Variants in KRT80 observed in about 807,000 individuals in gnomAD.
KRT80 encodes keratin, type II cytoskeletal 80.
KRT80 carries 36 observed loss-of-function variants against 51.5 expected under a neutral mutation model. That is an observed-to-expected ratio of 0.70 (90% CI 0.54 to 0.92). The LOEUF (loss-of-function observed/expected upper bound fraction) is 0.92. Among genes scored for constraint, KRT80 ranks in the 40% least tolerant of loss-of-function variants. KRT80 has a pLI of 0.00. For synonymous variants in KRT80, 235 were observed against 248.3 expected, an observed-to-expected ratio of 0.95 and a Z score of 0.50; for missense variants, 566 against 591.7, an observed-to-expected ratio of 0.96 and a Z score of 0.45.
At position 52,170,231 on chromosome 12, in the gene KRT80, T is replaced by C. The variant is rs1209169296; in HGVS notation, c.*1167A>G. The stretch of plus-strand genomic sequence containing the variant: ...TGGAAGCTCCCAGACTTGCCTGGAC[T>C]GTGCCTTCTTCCTGGCCTGCTGGAG... On this transcript the variant is annotated 3_prime_UTR_variant, in exon 9 of 9. Coordinates refer to ENST00000394815, the MANE Select transcript of KRT80 (RefSeq NM_182507.3). 2 of 152,992 alleles carry C rather than the reference T, an allele frequency of 1.3e-5. No homozygotes were observed. Among genetic ancestry groups the C allele is most frequent in the African/African-American group, 4.8e-5 (2 of 41,458 alleles). The allele number at this position is 152,992 out of a possible 1,614,324, so 9.5% of individuals were successfully genotyped here. A position where few individuals can be genotyped will look rare whatever the true frequency, so the allele number is the denominator to read the frequency against.
intron 2 of KRT80, among the ~76,000 whole-genome samples, chr12:52,184,278 TC>T (rs1941368549): frequency 1.3e-5 from 2 of 152,230 alleles, no homozygotes; most frequent in African/African-American, 4.8e-5. Context: ...GCTGGAGGTC[TC>T]CTTGCAAGGA....
chr12:52,176,347 G>T (rs765402485), intron 4 of KRT80, among the ~76,000 whole-genome samples: 1 of 152,222 alleles, frequency 6.6e-6, no homozygotes, highest in African/African-American at 2.4e-5. Flanking sequence ...TTAGGAGGCT[G>T]CTGTGCGTGT....
rs757918657 is a variant in KRT80, at chr12:52,173,738, C to T, written c.693G>A (p.Val231=). 7.4e-6 allele frequency: 12 copies of T among 1,611,804 alleles called. No individual in the cohort carries two copies. The highest frequency in any genetic ancestry group is 6.7e-5 in the African/African-American group (5 of 74,948). The change falls in exon 5 of 9, where the codon GTG becomes GTA. Residue 231 remains valine (V), a synonymous_variant. Transcript: ENST00000394815. Reference sequence around the variant, plus strand: ...TGCCGACGGTCACCGACACATCCTTCACCTGTGCTGCCAGGTCCTTCAGCT... The same window carrying T: ...TGCCGACGGTCACCGACACATCCTTTACCTGTGCTGCCAGGTCCTTCAGCT... The part of the protein sequence containing the change: ...EQELKDLAAQ[V]KDVSVTVGMD...
chr12:52,173,033 C>T lies in KRT80; in HGVS notation c.957+5G>A. Reference sequence around the variant, plus strand: ...CGCCCCCAGGCGCGTCCCCCAGATACTCACATGGCTCTTGACAGAGAGGAT... The same window carrying T: ...CGCCCCCAGGCGCGTCCCCCAGATATTCACATGGCTCTTGACAGAGAGGAT... On this transcript the variant is annotated splice_donor_5th_base_variant and intron_variant, in intron 6 of 8. Coordinates refer to ENST00000394815, the MANE Select transcript of KRT80 (RefSeq NM_182507.3). 1.2e-6 allele frequency: 2 copies of T among 1,603,270 alleles called. No individual in the cohort carries two copies. Among genetic ancestry groups the T allele is most frequent in the Non-Finnish European group, 1.7e-6 (2 of 1,172,190 alleles).
In KRT80 at chr12:52,185,451, A is replaced by G. The variant is rs771124453; in HGVS notation, c.437T>C (p.Val146Ala). 3.1e-6 allele frequency: 5 copies of G among 1,613,874 alleles called. No individual in the cohort carries two copies. Among genetic ancestry groups the G allele is most frequent in the Non-Finnish European group, 3.4e-6 (4 of 1,180,024 alleles). The change falls in exon 2 of 9, where the codon GTG becomes GCG. Residue 146 changes from valine (V) to alanine (A), a missense_variant. By Grantham distance (64) the Val-to-Ala change is moderately conservative. Transcript: ENST00000394815. ...QGRLQEELRK[V>A]SQERGQLEAN... ...CTCCAGCTGCCCCCGCTCCTGGCTCACTTTGCGCAGTTCCTCCTGCAGCCG... is the reference window on the plus strand; with the variant it reads ...CTCCAGCTGCCCCCGCTCCTGGCTCGCTTTGCGCAGTTCCTCCTGCAGCCG...
At position 52,169,767 on chromosome 12, in the gene KRT80, A is replaced by G. The variant is rs1017153877; in HGVS notation, c.*1631T>C. ...TGAGGATTTGCTCCCTTGGAAACCA[A>G]TGAAGAGCCTGAGGAAAAGCACCAA... is the stretch of plus-strand genomic sequence containing the variant. On this transcript the variant is annotated 3_prime_UTR_variant, in exon 9 of 9. Coordinates refer to ENST00000394815, the MANE Select transcript of KRT80 (RefSeq NM_182507.3). 6.6e-6 allele frequency: 1 copy of G among 152,240 alleles called. No individual in the cohort carries two copies. The allele number at this position is 152,240 out of a possible 1,614,324, so 9.4% of individuals were successfully genotyped here.
chr12:52,188,356 A>C (rs187902195), intron 1 of KRT80, among the ~76,000 whole-genome samples: 3 of 152,344 alleles, frequency 2.0e-5, no homozygotes, highest in Admixed American at 2.0e-4. Context: ...AAGTAGGGCC[A>C]GGTTGGGGCT....
rs201521953 is a variant in KRT80, at chr12:52,191,912, G to A, written c.-10C>T. 2.8e-3 allele frequency: 4,147 copies of A among 1,456,742 alleles called. 4 individuals are homozygous for A. The highest frequency in any genetic ancestry group is 3.4e-3 in the Non-Finnish European group (3,802 of 1,103,008). 90.2% of individuals were successfully genotyped at this position (1,456,742 alleles called of 1,614,324 possible). A position where few individuals can be genotyped will look rare whatever the true frequency, so the allele number is the denominator to read the frequency against. ...AGGAGCGGCAGGCCATGGTGCCCCC[G>A]GCCGGAAGCAGGAGGGCCCAGGGGG... On this transcript the variant is annotated 5_prime_UTR_variant, in exon 1 of 9. Coordinates refer to ENST00000394815, the MANE Select transcript of KRT80 (RefSeq NM_182507.3).
chr12:52,185,148 T>C (rs1941383130), intron 2 of KRT80, among the ~76,000 whole-genome samples: 1 of 152,180 alleles, frequency 6.6e-6, no homozygotes, highest in Admixed American at 6.5e-5. Flanking sequence ...CAGCACAAGA[T>C]TGACTTTGTT....
intron 2 of KRT80, 94 bp downstream of exon 2, chr12:52,185,285 T>C (rs552962988): frequency 8.2e-7 from 1 of 1,226,048 alleles, no homozygotes; most frequent in East Asian, 2.3e-5. Context: ...GCAGAACATC[T>C]TTCCTCTTTC....
Position 52,191,934 on chromosome 12 carries a change from G to C in KRT80, c.-32C>G, listed in dbSNP as rs752406283. 24 of 1,439,800 alleles carry C rather than the reference G, an allele frequency of 1.7e-5. 1 individual carries two copies. The highest frequency in any genetic ancestry group is 2.5e-4 in the Middle Eastern group (1 of 3,948). 89.2% of individuals were successfully genotyped at this position (1,439,800 alleles called of 1,614,324 possible). A position where few individuals can be genotyped will look rare whatever the true frequency, so the allele number is the denominator to read the frequency against. On this transcript the variant is annotated 5_prime_UTR_variant, in exon 1 of 9. Coordinates refer to ENST00000394815, the MANE Select transcript of KRT80 (RefSeq NM_182507.3). ...CCCGGCCGGAAGCAGGAGGGCCCAG[G>C]GGGGTGAGCGAGTGAGCCTGGGGTT...
rs187531530 is a variant in KRT80, at chr12:52,171,268, C to A, written c.*130G>T. 1.4e-4 allele frequency: 134 copies of A among 989,684 alleles called. No individual in the cohort carries two copies. Among genetic ancestry groups the A allele is most frequent in the Non-Finnish European group, 1.7e-4 (115 of 668,904 alleles). The allele number at this position is 989,684 out of a possible 1,614,324, so 61.3% of individuals were successfully genotyped here. On this transcript the variant is annotated 3_prime_UTR_variant, in exon 9 of 9. Coordinates refer to ENST00000394815, the MANE Select transcript of KRT80 (RefSeq NM_182507.3). The stretch of plus-strand genomic sequence containing the variant: ...CCCACAAAACACAGTCAGTTTTGAA[C>A]CCCTCTCTCAGTTCAATATCAGGTT...
At position 52,180,902 on chromosome 12, in the gene KRT80, C is replaced by A. The variant is rs776667934; in HGVS notation, c.570+1G>T. 1 of 1,588,876 alleles carries A rather than the reference C, an allele frequency of 6.3e-7. No homozygotes were observed. The highest frequency in any genetic ancestry group is 8.5e-7 in the Non-Finnish European group (1 of 1,171,336). On this transcript the variant is annotated splice_donor_variant, in intron 3 of 8. Coordinates refer to ENST00000394815, the MANE Select transcript of KRT80 (RefSeq NM_182507.3). LOFTEE classifies it high-confidence loss of function. ...CCCCTGGGGCAGGCTGGGCAGGCTA[C>A]CTTCTTCAGCTGAACAAAGGTGAAC... is the stretch of plus-strand genomic sequence containing the variant.
intron 1 of KRT80, 96 bp from the exon 2 acceptor site, chr12:52,185,683 G>A: frequency 6.5e-7 from 1 of 1,539,070 alleles, no homozygotes; most frequent in African/African-American, 1.4e-5. Flanking sequence ...GGGCTCCCTG[G>A]GAAGTGGCAG....
chr12:52,169,708 A>C lies in KRT80; in HGVS notation c.*1690T>G, dbSNP rs1420454167. The C allele has an allele frequency of 6.6e-6, 1 of 152,450 alleles. No individual in the cohort carries two copies. The highest frequency in any genetic ancestry group is 2.4e-5 in the African/African-American group (1 of 41,464). 9.4% of individuals were successfully genotyped at this position (152,450 alleles called of 1,614,324 possible). ...TTAAAAGCCACATAAGTTATGAAAA[A>C]ATAATATATACTTTATATGTCTTGT... On this transcript the variant is annotated 3_prime_UTR_variant, in exon 9 of 9. Coordinates refer to ENST00000394815, the MANE Select transcript of KRT80 (RefSeq NM_182507.3).
Position 52,180,057 on chromosome 12 carries a change from G to A in KRT80, c.666+456C>T, listed in dbSNP as rs773404773. ...AAATGCGAATGTTTCCTCTGTCTTC[G>A]CCAAAAATGGGGAAAACGGAAAGGC... On this transcript the variant is annotated intron_variant, in intron 4 of 8. Transcript: ENST00000394815. 9.2e-5 allele frequency among the ~76,000 whole-genome samples: 14 copies of A among 152,164 alleles called. No homozygotes were observed. The East Asian group carries it at 1.7e-3, about 19-fold the overall frequency.
Position 52,172,255 on chromosome 12 carries a change from A to G in KRT80, c.1121T>C (p.Leu374Pro). The change falls in exon 7 of 9, where the codon CTG (leucine) becomes CCG (proline). Residue 374 changes from leucine to proline, a missense_variant. Physicochemically the swap from Leu to Pro is moderately conservative, Grantham distance 98. Transcript: ENST00000394815. ...GGTGGCGATCTCGATGTCCAGGGCC[A>G]GCTTGACGTTCATCAGCTCCTGGTA... Reference protein sequence around the residue: ...RKYQELMNVKLALDIEIATYR... With the variant: ...RKYQELMNVKPALDIEIATYR... The G allele has an allele frequency of 6.2e-7, 1 of 1,613,862 alleles. No homozygotes were observed. The highest frequency in any genetic ancestry group is 1.1e-5 in the South Asian group (1 of 91,046).
intron 7 of KRT80, among the ~76,000 whole-genome samples, 192 bp from the exon 8 acceptor site, chr12:52,171,905 A>G (rs1442870784): frequency 1.3e-5 from 2 of 152,090 alleles, no homozygotes; most frequent in Non-Finnish European, 2.9e-5. Context: ...TCTCCATGGC[A>G]TAAATGGCTA....
Position 52,171,837 on chromosome 12 carries a change from G to A in KRT80, c.1179-124C>T, listed in dbSNP as rs942420539. 71 of 713,490 alleles carry A rather than the reference G, an allele frequency of 1.0e-4. 1 individual carries two copies. The highest frequency in any genetic ancestry group is 1.4e-4 in the Non-Finnish European group (59 of 423,048). 44.2% of individuals were successfully genotyped at this position (713,490 alleles called of 1,614,324 possible). On this transcript the variant is annotated intron_variant, in intron 7 of 8. Coordinates refer to ENST00000394815, the MANE Select transcript of KRT80 (RefSeq NM_182507.3). The stretch of plus-strand genomic sequence containing the variant: ...TCTTGGTGGTCACTCCCAGCCCTGG[G>A]GTTGCCCTGTTGTGTGGCCCTGGCT...
Sources: allele counts gnomAD v4.1 joint callset (sites outside exome capture counted in the v4.1 genomes callset), GRCh38; gene constraint gnomAD v4.1.1; transcripts MANE v1.5; gene names NCBI Gene and HGNC (gene_info 2026-07-23, HGNC 2026-07-21).